Variants in IMMP2L observed in about 807,000 individuals in gnomAD.
IMMP2L encodes the protein mitochondrial inner membrane protease subunit 2.
Under a neutral mutation model 19.3 loss-of-function variants are expected in IMMP2L, and 18 were observed. The ratio of observed to expected loss-of-function variants is 0.93; its 90% CI spans 0.64 to 1.38. IMMP2L has a LOEUF of 1.38. Among genes scored for constraint, IMMP2L ranks in the 40% most tolerant of loss-of-function variants. The probability of loss-of-function intolerance (pLI) is 0.00; values close to 1 mark genes in which losing one functional copy is unlikely to be tolerated. For synonymous variants in IMMP2L, 76 were observed against 73.0 expected (o/e 1.04, Z -0.21); for missense variants, 233 against 218.2 (o/e 1.07, Z -0.43).
At chr7:111,186,010 T>C (rs1428994400) in intron 3 of IMMP2L, among the ~76,000 whole-genome samples, 6 of 152,218 alleles carry the variant, frequency 3.9e-5, no homozygotes, top group African/African-American at 1.4e-4. Flanking sequence ...TATTAGATCA[T>C]CTTAATACAT....
intron 3 of IMMP2L, among the ~76,000 whole-genome samples, chr7:111,315,805 T>TA (rs886842724): frequency 2.1e-4 from 31 of 149,486 alleles, no homozygotes; most frequent in African/African-American, 2.5e-4. Flanking sequence ...CATAGGAATG[T>TA]AAAAAAAAAC....
At chr7:111,485,977 A>C (rs1842625465) in intron 3 of IMMP2L, among the ~76,000 whole-genome samples, 1 of 152,170 alleles carries the variant, frequency 6.6e-6, no homozygotes, top group Non-Finnish European at 1.5e-5. Context: ...TGAGGATATA[A>C]CCTTGTCAAA....
chr7:110,944,722 G>A (rs1817079958), intron 4 of IMMP2L, among the ~76,000 whole-genome samples: 1 of 151,888 alleles, frequency 6.6e-6, no homozygotes, highest in Non-Finnish European at 1.5e-5. Context: ...GTCAGAATCT[G>A]ACACTTTATG....
intron 3 of IMMP2L, among the ~76,000 whole-genome samples, chr7:111,099,186 A>G (rs560209476): frequency 6.6e-6 from 1 of 151,872 alleles, no homozygotes; most frequent in African/African-American, 2.4e-5. Flanking sequence ...ATAATAAGTG[A>G]CACAAAAGAA....
At chr7:111,037,484 T>C (rs796253085) in intron 3 of IMMP2L, among the ~76,000 whole-genome samples, 4 of 152,268 alleles carry the variant, frequency 2.6e-5, no homozygotes, top group African/African-American at 7.2e-5. Context: ...GATATCATTT[T>C]ATATTTCAGA....
intron 3 of IMMP2L, among the ~76,000 whole-genome samples, chr7:111,464,042 G>C (rs1048234939): frequency 7.2e-5 from 11 of 152,042 alleles, no homozygotes; most frequent in Admixed American, 2.6e-4. Flanking sequence ...AATCTAGAAG[G>C]ATATGGCAGA....
At chr7:111,387,363 A>G (rs1831863757) in intron 3 of IMMP2L, among the ~76,000 whole-genome samples, 1 of 152,150 alleles carries the variant, frequency 6.6e-6, no homozygotes, top group South Asian at 2.1e-4. Flanking sequence ...TGGTATCATC[A>G]CAAAATAAGA....
chr7:110,672,276 A>T (rs778342376), intron 5 of IMMP2L, among the ~76,000 whole-genome samples: 11 of 151,910 alleles, frequency 7.2e-5, no homozygotes, highest in Non-Finnish European at 1.2e-4. Context: ...ATCTCATGAG[A>T]CTCACGCACT....
At chr7:111,215,284 C>T (rs2129619600) in intron 3 of IMMP2L, among the ~76,000 whole-genome samples, 1 of 152,292 alleles carries the variant, frequency 6.6e-6, no homozygotes, top group African/African-American at 2.4e-5. Context: ...TGATCATACC[C>T]TTCTGCCTGA....
At chr7:110,788,885 T>C (rs142121956) in intron 5 of IMMP2L, among the ~76,000 whole-genome samples, 210 of 151,856 alleles carry the variant, frequency 1.4e-3, no homozygotes, top group Non-Finnish European at 2.2e-3. Context: ...TTTGTGACTG[T>C]CTCATTCCAT....
chr7:110,769,451 T>C (rs1474282861), intron 5 of IMMP2L, among the ~76,000 whole-genome samples: 4 of 152,196 alleles, frequency 2.6e-5, no homozygotes, highest in African/African-American at 9.6e-5. Context: ...ATAAATTATC[T>C]AGGTCTCCTC....
intron 3 of IMMP2L, among the ~76,000 whole-genome samples, chr7:110,972,366 T>C (rs887731439): frequency 6.6e-6 from 1 of 152,134 alleles, no homozygotes; most frequent in Non-Finnish European, 1.5e-5. Flanking sequence ...TGATAGTTTG[T>C]CAATGCTTTA....
chr7:111,424,466 G>A, intron 3 of IMMP2L, among the ~76,000 whole-genome samples: 1 of 151,782 alleles, frequency 6.6e-6, no homozygotes, highest in Non-Finnish European at 1.5e-5. Flanking sequence ...CCCAGACTAA[G>A]CCATGCTAAT....
At chr7:111,355,118 T>C (rs1347491010) in intron 3 of IMMP2L, among the ~76,000 whole-genome samples, 2 of 151,880 alleles carry the variant, frequency 1.3e-5, no homozygotes, top group Non-Finnish European at 2.9e-5. Flanking sequence ...CAATTTATAA[T>C]ACAGTACTCT....
At chr7:110,800,255 C>T (rs760132100) in intron 5 of IMMP2L, among the ~76,000 whole-genome samples, 15 of 151,832 alleles carry the variant, frequency 9.9e-5, no homozygotes, top group Non-Finnish European at 1.8e-4. Context: ...GGAATAGATA[C>T]AACAATTGGA....
intron 3 of IMMP2L, chr7:111,122,949 T>C: frequency 1.9e-6 from 3 of 1,614,006 alleles, no homozygotes; most frequent in Non-Finnish European, 2.5e-6. Flanking sequence ...ATGATTTAGG[T>C]CTTTTAACTT....
chr7:110,833,078 G>A (rs552317092), intron 5 of IMMP2L, among the ~76,000 whole-genome samples: 1 of 152,248 alleles, frequency 6.6e-6, no homozygotes, highest in South Asian at 2.1e-4. Flanking sequence ...TAATGCAAGG[G>A]AGAACATTTA....
At chr7:111,435,569 T>C (rs1837077992) in intron 3 of IMMP2L, among the ~76,000 whole-genome samples, 1 of 151,750 alleles carries the variant, frequency 6.6e-6, no homozygotes, top group African/African-American at 2.4e-5. Flanking sequence ...AATTACCTAT[T>C]GGGTGCAATG....
chr7:110,932,554 C>T (rs1476595170), intron 4 of IMMP2L, among the ~76,000 whole-genome samples: 1 of 152,034 alleles, frequency 6.6e-6, no homozygotes, highest in Non-Finnish European at 1.5e-5. Flanking sequence ...CGGGGTTTCA[C>T]CATGTTAGCC....
Sources: gnomAD v4.1 joint callset for allele counts (sites outside exome capture counted in the v4.1 genomes callset) on GRCh38, gnomAD v4.1.1 for gene constraint, MANE v1.5 for transcripts, NCBI Gene and HGNC (gene_info 2026-07-23, HGNC 2026-07-21) for gene names.